MYO1E: variants seen among roughly 807,000 people sequenced by gnomAD.
The protein encoded by MYO1E is unconventional myosin-Ie.
A neutral mutation model predicts 151.1 loss-of-function variants in MYO1E; 68 were observed. The observed-to-expected ratio is 0.45, with a 90% CI of 0.37 to 0.55. The LOEUF is 0.55. MYO1E is among the 20% of genes least tolerant of loss of function. The pLI is 0.00. For synonymous variants in MYO1E, 601 were observed against 501.7 expected (o/e 1.20, Z -2.64); for missense variants, 1,363 against 1,389.3 (o/e 0.98, Z 0.30).
At chr15:59,147,864 T>A (rs1480186436) in intron 26 of MYO1E, among the ~76,000 whole-genome samples, 1 of 152,044 alleles carries the variant, frequency 6.6e-6, no homozygotes, top group African/African-American at 2.4e-5. Flanking sequence ...AGGCTGCCCA[T>A]TCCCCGCATT....
chr15:59,292,789 T>A (rs754971677), intron 1 of MYO1E, among the ~76,000 whole-genome samples: 12 of 152,366 alleles, frequency 7.9e-5, no homozygotes, highest in Admixed American at 5.9e-4. Flanking sequence ...GGGGTCTTTC[T>A]TATCTGAACA....
At chr15:59,286,017 A>T (rs1451859303) in intron 1 of MYO1E, among the ~76,000 whole-genome samples, 2 of 152,244 alleles carry the variant, frequency 1.3e-5, no homozygotes, top group African/African-American at 4.8e-5. Context: ...CTAGCTAGAA[A>T]CACCAGCAGC....
chr15:59,309,852 G>C lies in MYO1E; in HGVS notation c.4-37403C>G, dbSNP rs186207264. On this transcript the variant is annotated intron_variant, in intron 1 of 27. Coordinates refer to ENST00000288235, the MANE Select transcript of MYO1E (RefSeq NM_004998.4). The stretch of plus-strand genomic sequence containing the variant: ...GAGAAGCTTGTCTGGATAGGCCTTC[G>C]TATATACTGATAGGGATTATATACC... 3.9e-5 allele frequency among the ~76,000 whole-genome samples: 6 copies of C among 152,204 alleles called. No individual in the cohort carries two copies. In the East Asian group the frequency reaches 9.6e-4, roughly 24 times the overall value.
chr15:59,372,607 A>C lies in MYO1E; in HGVS notation c.-107T>G, dbSNP rs2080954725. On this transcript the variant is annotated 5_prime_UTR_variant, in exon 1 of 28. Coordinates refer to ENST00000288235, the MANE Select transcript of MYO1E (RefSeq NM_004998.4). ...TCAAAAGTTGGTTCCCCTCGCCAAA[A>C]ACAGGCTCCCGACACCCAAGCACTC... The C allele has an allele frequency of 7.0e-7, 1 of 1,419,478 alleles. No individual in the cohort carries two copies. Among genetic ancestry groups the C allele is most frequent in the African/African-American group, 1.4e-5 (1 of 69,878 alleles). 87.9% of individuals were successfully genotyped at this position (1,419,478 alleles called of 1,614,324 possible). A position where few individuals can be genotyped will look rare whatever the true frequency, so the allele number is the denominator to read the frequency against.
At chr15:59,192,237 A>C (rs1449034767) in intron 17 of MYO1E, among the ~76,000 whole-genome samples, 1 of 152,086 alleles carries the variant, frequency 6.6e-6, no homozygotes. Context: ...TGAACTTCTT[A>C]AAACCAGTTT....
chr15:59,251,362 T>A (rs1452664888), intron 4 of MYO1E, among the ~76,000 whole-genome samples: 3 of 152,124 alleles, frequency 2.0e-5, no homozygotes, highest in Admixed American at 1.3e-4. Flanking sequence ...CTAGTTTTGG[T>A]CTCTTCAAAA....
chr15:59,334,314 A>G (rs888665445), intron 1 of MYO1E, among the ~76,000 whole-genome samples: 2 of 152,178 alleles, frequency 1.3e-5, no homozygotes, highest in African/African-American at 4.8e-5. Context: ...AATAACTAAA[A>G]GTATAATTGG....
At position 59,133,064 on chromosome 15, in the gene MYO1E, T is replaced by A. The variant is rs2079353914; in HGVS notation, c.*4316A>T. 6.6e-6 allele frequency: 1 copy of A among 152,222 alleles called. No individual in the cohort carries two copies. The highest frequency in any genetic ancestry group is 1.5e-5 in the Non-Finnish European group (1 of 68,044). The allele number at this position is 152,222 out of a possible 1,614,324, so 9.4% of individuals were successfully genotyped here. ...GTAGACCATCACATTACTAAATATCTGTTGAATTGGAGAAAATGATTAAAA... is the reference window on the plus strand; with the variant it reads ...GTAGACCATCACATTACTAAATATCAGTTGAATTGGAGAAAATGATTAAAA... On this transcript the variant is annotated 3_prime_UTR_variant, in exon 28 of 28. Transcript: ENST00000288235.
Position 59,236,597 on chromosome 15 carries a change from C to G in MYO1E, c.408G>C (p.Gly136=). The part of the protein sequence containing the change: ...MSYISRVSGG[G]TKVQHVKDII... ...ACTGCCCACTCACCTGGACTTTGGTCCCTCCTCCAGACACTCTGGAGATGT... is the reference window on the plus strand; with the variant it reads ...ACTGCCCACTCACCTGGACTTTGGTGCCTCCTCCAGACACTCTGGAGATGT... Residue 136 remains glycine, a synonymous_variant, in exon 5 of 28, where the codon GGG becomes GGC. Transcript: ENST00000288235. The G allele has an allele frequency of 6.2e-7, 1 of 1,613,390 alleles. No individual in the cohort carries two copies. The highest frequency in any genetic ancestry group is 1.1e-5 in the South Asian group (1 of 91,054).
chr15:59,152,805 A>G (rs2079489510), intron 26 of MYO1E, among the ~76,000 whole-genome samples: 1 of 151,804 alleles, frequency 6.6e-6, no homozygotes, highest in African/African-American at 2.4e-5. Context: ...TACTCTGAAC[A>G]CTCCTGCCTG....
intron 2 of MYO1E, among the ~76,000 whole-genome samples, chr15:59,264,700 T>C (rs1266323335): frequency 6.6e-6 from 1 of 152,222 alleles, no homozygotes; most frequent in Non-Finnish European, 1.5e-5. Context: ...TAAAGTATCT[T>C]TTCTAATTGG....
chr15:59,251,160 A>G (rs1244563964), intron 4 of MYO1E, among the ~76,000 whole-genome samples: 1 of 152,204 alleles, frequency 6.6e-6, no homozygotes, highest in Admixed American at 6.5e-5. Flanking sequence ...AGTATCAAAC[A>G]GAAGCATTTC....
intron 1 of MYO1E, among the ~76,000 whole-genome samples, chr15:59,342,382 G>C (rs2080770822): frequency 6.6e-6 from 1 of 152,130 alleles, no homozygotes; most frequent in Non-Finnish European, 1.5e-5. Flanking sequence ...TTTTTAACTT[G>C]ATGTGATCCC....
chr15:59,273,605 T>C (rs181861473), intron 1 of MYO1E, among the ~76,000 whole-genome samples: 2 of 151,672 alleles, frequency 1.3e-5, no homozygotes, highest in Admixed American at 6.6e-5. Flanking sequence ...AGGTCTAAGA[T>C]ATTTAGAATT....
chr15:59,335,092 A>G (rs1197387649), intron 1 of MYO1E, among the ~76,000 whole-genome samples: 3 of 152,234 alleles, frequency 2.0e-5, no homozygotes, highest in Non-Finnish European at 4.4e-5. Context: ...ACACTGGGTC[A>G]AACCGTGAAA....
intron 15 of MYO1E, among the ~76,000 whole-genome samples, chr15:59,202,711 C>T (rs1270591525): frequency 6.6e-6 from 1 of 152,156 alleles, no homozygotes; most frequent in Non-Finnish European, 1.5e-5. Context: ...CTTGACAGAA[C>T]ATAACAGAGG....
intron 18 of MYO1E, among the ~76,000 whole-genome samples, chr15:59,186,891 C>T (rs141055701): frequency 0.012 from 1,763 of 152,168 alleles, 46 homozygotes; most frequent in African/African-American, 0.038. Flanking sequence ...TTAAGGGTAC[C>T]ACATTTTATC....
chr15:59,228,068 C>G (rs752587474), intron 6 of MYO1E, among the ~76,000 whole-genome samples: 1 of 152,126 alleles, frequency 6.6e-6, no homozygotes, highest in Non-Finnish European at 1.5e-5. Flanking sequence ...TAGCTACTGA[C>G]GGGCCTAGGG....
intron 15 of MYO1E, among the ~76,000 whole-genome samples, chr15:59,203,037 C>T (rs1245919590): frequency 3.3e-5 from 5 of 152,186 alleles, no homozygotes; most frequent in African/African-American, 7.2e-5. Flanking sequence ...TGAGGCACTG[C>T]GCCTGGCCAG....
Sources: gnomAD v4.1 joint callset for allele counts (sites outside exome capture counted in the v4.1 genomes callset) on GRCh38, gnomAD v4.1.1 for gene constraint, MANE v1.5 for transcripts, NCBI Gene and HGNC (gene_info 2026-07-23, HGNC 2026-07-21) for gene names.